The following CARMIL1 variants were observed in gnomAD, a reference collection of about 807,000 sequenced individuals.
CARMIL1 encodes the protein F-actin-uncapping protein LRRC16A.
A neutral mutation model predicts 177.1 loss-of-function variants in CARMIL1; 90 were observed. The ratio of observed to expected loss-of-function variants is 0.51; its 90% CI spans 0.43 to 0.61. CARMIL1 has a LOEUF of 0.61. CARMIL1 is among the 20% of genes least tolerant of loss of function. The pLI, the probability that CARMIL1 is intolerant of heterozygous loss-of-function variation, is 0.00. For missense variants in CARMIL1, 1,380 were observed against 1,667.0 expected (o/e 0.83, Z 3.00); for synonymous variants, 577 against 606.2 (o/e 0.95, Z 0.71).
intron 33 of CARMIL1, among the ~76,000 whole-genome samples, chr6:25,604,052 G>A (rs141129386): frequency 2.2e-4 from 34 of 152,180 alleles, no homozygotes; most frequent in African/African-American, 8.2e-4. Flanking sequence ...GGTTGGAAAG[G>A]TTTCTGCTGC....
intron 2 of CARMIL1, among the ~76,000 whole-genome samples, chr6:25,337,695 A>G (rs190529471): frequency 6.6e-6 from 1 of 152,370 alleles, no homozygotes; most frequent in African/African-American, 2.4e-5. Context: ...GAGGCCAGCC[A>G]GGAATGAAGA....
At chr6:25,421,786 C>T (rs1334064540) in intron 3 of CARMIL1, among the ~76,000 whole-genome samples, 2 of 146,694 alleles carry the variant, frequency 1.4e-5, no homozygotes, top group African/African-American at 5.1e-5. Flanking sequence ...AACCAAACAC[C>T]GCATGTTCTC....
intron 29 of CARMIL1, among the ~76,000 whole-genome samples, chr6:25,574,119 T>C (rs1429777217): frequency 1.3e-5 from 2 of 152,194 alleles, no homozygotes; most frequent in East Asian, 1.9e-4. Context: ...GTCATTGTTA[T>C]CCATCAGGAG....
chr6:25,345,976 T>A (rs2150341941), intron 2 of CARMIL1, among the ~76,000 whole-genome samples: 1 of 152,294 alleles, frequency 6.6e-6, no homozygotes, highest in Non-Finnish European at 1.5e-5. Context: ...ATAGGCTCTA[T>A]CTTCAAAACG....
chr6:25,539,216 A>G (rs1413682521), intron 25 of CARMIL1, among the ~76,000 whole-genome samples: 2 of 152,116 alleles, frequency 1.3e-5, no homozygotes, highest in African/African-American at 4.8e-5. Context: ...AGTACCAGTA[A>G]CAACCTGGGA....
intron 2 of CARMIL1, among the ~76,000 whole-genome samples, chr6:25,387,062 C>T (rs1317840975): frequency 1.4e-5 from 2 of 143,258 alleles, no homozygotes; most frequent in Non-Finnish European, 3.0e-5. Flanking sequence ...CCTGCGAGGC[C>T]GAGATCGCAC....
intron 2 of CARMIL1, among the ~76,000 whole-genome samples, chr6:25,393,065 T>C (rs908205553): frequency 5.9e-5 from 9 of 151,728 alleles, no homozygotes; most frequent in African/African-American, 2.2e-4. Flanking sequence ...ATGAGTGATT[T>C]AATTATTCTG....
Position 25,558,747 on chromosome 6 carries a change from G to A in CARMIL1, c.2742+1897G>A, listed in dbSNP as rs946860915. Among the ~76,000 whole-genome samples, 13 of 152,174 alleles carry A rather than the reference G, an allele frequency of 8.5e-5. No homozygotes were observed. The highest frequency in any genetic ancestry group is 2.9e-4 in the African/African-American group (12 of 41,438). On this transcript the variant is annotated intron_variant, in intron 29 of 36. Coordinates refer to ENST00000329474, the MANE Select transcript of CARMIL1 (RefSeq NM_017640.6). The surrounding 1 kb of genome is among the most constrained non-coding windows in gnomAD (Gnocchi z 4.1). ...GTTTAAAGGGCCAAGGAGGTAAGCA[G>A]GGAGGGCCATTCCTGAGATGAGCCT...
chr6:25,465,612 G>A, intron 8 of CARMIL1: 2 of 431,324 alleles, frequency 4.6e-6, no homozygotes, highest in South Asian at 6.7e-5. Context: ...TCAGAGCAAG[G>A]AGGTTTTTCA....
At chr6:25,539,840 G>T in intron 25 of CARMIL1, 107 bp from the exon 26 acceptor site, 1 of 846,932 alleles carries the variant, frequency 1.2e-6, no homozygotes, top group Non-Finnish European at 1.7e-6. Flanking sequence ...TGACTGAGAA[G>T]AGATTATCCC....
intron 2 of CARMIL1, among the ~76,000 whole-genome samples, chr6:25,394,897 TAGC>T (rs1274123052): frequency 1.3e-5 from 2 of 152,242 alleles, no homozygotes; most frequent in Non-Finnish European, 2.9e-5. Flanking sequence ...CCTTTTGCCT[TAGC>T]AGAGAAAAAT....
intron 2 of CARMIL1, among the ~76,000 whole-genome samples, chr6:25,347,189 T>A (rs185970434): frequency 5.3e-5 from 8 of 152,334 alleles, no homozygotes; most frequent in Non-Finnish European, 1.2e-4. Flanking sequence ...AAAGCTTTTG[T>A]ATTTATTACT....
intron 5 of CARMIL1, among the ~76,000 whole-genome samples, chr6:25,446,180 C>T (rs1798215400): frequency 6.6e-6 from 1 of 152,216 alleles, no homozygotes. Flanking sequence ...TCACCAGCTG[C>T]ATTAGCCACT....
intron 2 of CARMIL1, among the ~76,000 whole-genome samples, chr6:25,355,196 G>T (rs1283860801): frequency 6.6e-6 from 1 of 152,166 alleles, no homozygotes; most frequent in Non-Finnish European, 1.5e-5. Flanking sequence ...AGAAGCTTCT[G>T]ATATTATAAC....
At chr6:25,585,053 T>C (rs1239366633) in intron 31 of CARMIL1, among the ~76,000 whole-genome samples, 2 of 152,230 alleles carry the variant, frequency 1.3e-5, no homozygotes, top group African/African-American at 4.8e-5. Flanking sequence ...GATCTGGCTT[T>C]TTCCCAGAGC....
chr6:25,552,932 T>C (rs1489892002), intron 27 of CARMIL1, among the ~76,000 whole-genome samples: 5 of 152,278 alleles, frequency 3.3e-5, no homozygotes, highest in Non-Finnish European at 5.9e-5. Flanking sequence ...GTGAATCTTA[T>C]CAGTAGACAC....
At chr6:25,459,233 TC>T (rs1799818459) in intron 8 of CARMIL1, among the ~76,000 whole-genome samples, 1 of 91,318 alleles carries the variant, frequency 1.1e-5, no homozygotes, top group African/African-American at 4.0e-5. Flanking sequence ...TTTCTTTCTT[TC>T]TTTCTTTCTT....
In CARMIL1 at chr6:25,551,083, T is replaced by A; in HGVS notation, c.2502T>A (p.Ile834=). 3 of 1,611,588 alleles carry A rather than the reference T, an allele frequency of 1.9e-6. No individual in the cohort carries two copies. The highest frequency in any genetic ancestry group is 2.5e-6 in the Non-Finnish European group (3 of 1,178,606). The part of the protein sequence containing the change: ...EQSGIDILNK[I]SEVKLTVASF... ...CTGGAATTGATATCCTTAACAAAATTAGGTAGGTTTATAATGTTAATAAAC... is the reference window on the plus strand; with the variant it reads ...CTGGAATTGATATCCTTAACAAAATAAGGTAGGTTTATAATGTTAATAAAC... The change falls in exon 27 of 37, where the codon ATT becomes ATA. Residue 834 remains isoleucine, a splice_region_variant and synonymous_variant. Transcript: ENST00000329474.
At chr6:25,398,150 A>C (rs917902194) in intron 2 of CARMIL1, among the ~76,000 whole-genome samples, 1 of 152,134 alleles carries the variant, frequency 6.6e-6, no homozygotes, top group Non-Finnish European at 1.5e-5. Flanking sequence ...AAATTAATGA[A>C]CAAGGTAATT....
Sources: gnomAD v4.1 joint callset for allele counts (sites outside exome capture counted in the v4.1 genomes callset) on GRCh38, gnomAD v4.1.1 for gene constraint, Gnocchi (gnomAD v3.1) non-coding constraint, MANE v1.5 for transcripts, NCBI Gene and HGNC (gene_info 2026-07-23, HGNC 2026-07-21) for gene names.